BANK1: variants seen among roughly 807,000 people sequenced by gnomAD.
BANK1 encodes B-cell scaffold protein with ankyrin repeats.
Under a neutral mutation model 94.5 loss-of-function variants are expected in BANK1, and 95 were observed. The ratio of observed to expected loss-of-function variants is 1.00; its 90% CI spans 0.85 to 1.19. BANK1 has a LOEUF of 1.19. Among genes scored for constraint, BANK1 ranks in the 50% most tolerant of loss-of-function variants. The probability of loss-of-function intolerance (pLI) is 0.00; values close to 1 mark genes in which losing one functional copy is unlikely to be tolerated. For missense variants in BANK1, 987 were observed against 932.2 expected (o/e 1.06, Z -0.77); for synonymous variants, 334 against 308.4 (o/e 1.08, Z -0.87).
At chr4:101,991,803 G>C (rs1334543967) in intron 7 of BANK1, among the ~76,000 whole-genome samples, 1 of 152,314 alleles carries the variant, frequency 6.6e-6, no homozygotes, top group Middle Eastern at 3.4e-3. Context: ...GTGTATGTTT[G>C]TGTTTGTACA....
At chr4:102,019,701 T>C (rs539510739) in intron 7 of BANK1, among the ~76,000 whole-genome samples, 68 of 152,344 alleles carry the variant, frequency 4.5e-4, no homozygotes, top group African/African-American at 1.6e-3. Flanking sequence ...GAATCATTAA[T>C]ATATTATTAG....
intron 2 of BANK1, among the ~76,000 whole-genome samples, chr4:101,851,853 C>T (rs1727489110): frequency 6.6e-6 from 1 of 152,122 alleles, no homozygotes. Flanking sequence ...AGCAAAACTT[C>T]CTTTTGCTCA....
intron 7 of BANK1, among the ~76,000 whole-genome samples, chr4:101,987,639 T>C (rs187212368): frequency 1.3e-5 from 2 of 152,294 alleles, no homozygotes; most frequent in East Asian, 3.9e-4. Flanking sequence ...CAAGTAATTC[T>C]GAGAACTTTC....
intron 2 of BANK1, among the ~76,000 whole-genome samples, chr4:101,839,936 A>ATTTATTTATTTATTTATTTATTT (rs1305309687): frequency 3.8e-5 from 3 of 78,948 alleles, no homozygotes; most frequent in African/African-American, 1.4e-4. Flanking sequence ...TCAAATATTT[A>ATTTATTTATTTATTTATTTATTT]ATTTTTTTTT....
At chr4:101,922,228 C>T (rs991452956) in intron 7 of BANK1, among the ~76,000 whole-genome samples, 1 of 151,710 alleles carries the variant, frequency 6.6e-6, no homozygotes, top group Non-Finnish European at 1.5e-5. Context: ...ACCAATTACT[C>T]AGAAGTTAGG....
intron 9 of BANK1, among the ~76,000 whole-genome samples, chr4:102,029,352 AAAT>A (rs1163585328): frequency 3.3e-5 from 5 of 152,018 alleles, no homozygotes; most frequent in Non-Finnish European, 7.4e-5. Context: ...ATTTTAGGTG[AAAT>A]ATCCAGTGCA....
intron 1 of BANK1, among the ~76,000 whole-genome samples, chr4:101,806,826 A>G (rs979737889): frequency 2.0e-5 from 3 of 152,048 alleles, no homozygotes; most frequent in Non-Finnish European, 1.5e-5. Flanking sequence ...TTATTCTTGT[A>G]CTCCTGTGCT....
chr4:101,894,490 T>C (rs1721994722), intron 5 of BANK1, among the ~76,000 whole-genome samples: 2 of 152,028 alleles, frequency 1.3e-5, no homozygotes, highest in African/African-American at 4.8e-5. Context: ...AGTTATTTAA[T>C]TTGTGACTAT....
intron 11 of BANK1, among the ~76,000 whole-genome samples, chr4:102,059,549 G>GAAAC (rs1728343401): frequency 1.3e-5 from 2 of 152,160 alleles, no homozygotes; most frequent in African/African-American, 4.8e-5. Flanking sequence ...GCAGACAAGG[G>GAAAC]AAACACTGAG....
At chr4:101,900,954 G>A (rs944755474) in intron 6 of BANK1, among the ~76,000 whole-genome samples, 1 of 152,170 alleles carries the variant, frequency 6.6e-6, no homozygotes, top group African/African-American at 2.4e-5. Context: ...TCCATAAAGA[G>A]ACTGAGAAGA....
At chr4:101,805,973 T>C (rs1213954465) in intron 1 of BANK1, among the ~76,000 whole-genome samples, 1 of 152,056 alleles carries the variant, frequency 6.6e-6, no homozygotes, top group East Asian at 1.9e-4. Context: ...GAATATTTAG[T>C]GAACTATAAT....
intron 2 of BANK1, among the ~76,000 whole-genome samples, chr4:101,836,376 A>G (rs1578346047): frequency 6.6e-6 from 1 of 152,262 alleles, no homozygotes; most frequent in Admixed American, 6.5e-5. Flanking sequence ...GTTACTCAGG[A>G]GGCTGAGGTA....
At chr4:102,053,114 C>T (rs764520190) in intron 11 of BANK1, among the ~76,000 whole-genome samples, 4 of 152,136 alleles carry the variant, frequency 2.6e-5, no homozygotes, top group Non-Finnish European at 5.9e-5. Context: ...GTTCTCAGTA[C>T]ATGGAAAGAC....
At chr4:101,953,437 C>A (rs1482442373) in intron 7 of BANK1, among the ~76,000 whole-genome samples, 4 of 151,978 alleles carry the variant, frequency 2.6e-5, no homozygotes, top group African/African-American at 4.8e-5. Flanking sequence ...ATGGAGAGAA[C>A]AGACTGTCTT....
At chr4:102,013,050 T>C (rs1726563469) in intron 7 of BANK1, among the ~76,000 whole-genome samples, 1 of 152,156 alleles carries the variant, frequency 6.6e-6, no homozygotes, top group Non-Finnish European at 1.5e-5. Context: ...ATTTCCTCTA[T>C]AGACTTTTAT....
chr4:101,980,269 A>G (rs965879030), intron 7 of BANK1, among the ~76,000 whole-genome samples: 4 of 151,866 alleles, frequency 2.6e-5, no homozygotes, highest in Non-Finnish European at 4.4e-5. Flanking sequence ...CATTTTTAAC[A>G]TTTAAATCGT....
At chr4:101,904,297 A>C (rs531211937) in intron 6 of BANK1, among the ~76,000 whole-genome samples, 5 of 152,342 alleles carry the variant, frequency 3.3e-5, no homozygotes, top group African/African-American at 1.2e-4. Context: ...CTCTTAAGTC[A>C]GTTAACATTC....
intron 7 of BANK1, among the ~76,000 whole-genome samples, chr4:101,925,030 T>G (rs1056816468): frequency 3.3e-5 from 5 of 151,730 alleles, no homozygotes; most frequent in South Asian, 2.1e-4. Flanking sequence ...TGATAAACCT[T>G]AGAGGGCACT....
intron 1 of BANK1, among the ~76,000 whole-genome samples, chr4:101,795,077 G>A (rs116449509): frequency 1.6e-3 from 237 of 150,338 alleles, no homozygotes; most frequent in African/African-American, 5.5e-3. Context: ...TTTTTCATCT[G>A]ATACATGCTG....
Sources: gnomAD v4.1 joint callset for allele counts (sites outside exome capture counted in the v4.1 genomes callset) on GRCh38, gnomAD v4.1.1 for gene constraint, MANE v1.5 for transcripts, NCBI Gene and HGNC (gene_info 2026-07-23, HGNC 2026-07-21) for gene names.